Variants in LDLRAD4 observed in about 807,000 individuals in gnomAD.
LDLRAD4 encodes low density lipoprotein receptor class A domain containing 4, also known as low-density lipoprotein receptor class A domain-containing protein 4.
A neutral mutation model predicts 17.0 loss-of-function variants in LDLRAD4; 5 were observed. The observed-to-expected ratio is 0.29, with a 90% CI of 0.15 to 0.62. LDLRAD4 has a LOEUF of 0.62. Among genes scored for constraint, LDLRAD4 ranks in the 20% least tolerant of loss-of-function variants. The probability of loss-of-function intolerance (pLI) is 0.84; values close to 1 mark genes in which losing one functional copy is unlikely to be tolerated. For missense variants in LDLRAD4, 340 were observed against 424.7 expected (o/e 0.80, Z 1.75); for synonymous variants, 168 against 171.8 (o/e 0.98, Z 0.17).
At chr18:13,492,133 G>T (rs555983264) in intron 3 of LDLRAD4, among the ~76,000 whole-genome samples, 2 of 152,208 alleles carry the variant, frequency 1.3e-5, no homozygotes, top group South Asian at 4.2e-4. Context: ...AGACAAGACC[G>T]ATTCGGGCAA....
chr18:13,554,477 C>G (rs1399448696), intron 3 of LDLRAD4, among the ~76,000 whole-genome samples: 2 of 151,684 alleles, frequency 1.3e-5, no homozygotes, highest in African/African-American at 4.8e-5. Context: ...TTTTTTTCAC[C>G]TTTATGTAGT....
At chr18:13,560,481 G>A (rs1482371946) in intron 3 of LDLRAD4, among the ~76,000 whole-genome samples, 3 of 152,176 alleles carry the variant, frequency 2.0e-5, no homozygotes, top group Admixed American at 6.5e-5. Context: ...TGGGGATGAC[G>A]GGGGCTGATG....
intron 1 of LDLRAD4, among the ~76,000 whole-genome samples, chr18:13,333,395 C>T (rs2143806369): frequency 6.6e-6 from 1 of 152,328 alleles, no homozygotes; most frequent in South Asian, 2.1e-4. Flanking sequence ...TTGTCTTTCA[C>T]ATAGCAGAAG....
At chr18:13,402,271 C>T (rs116836111) in intron 2 of LDLRAD4, among the ~76,000 whole-genome samples, 119 of 152,262 alleles carry the variant, frequency 7.8e-4, no homozygotes, top group African/African-American at 2.7e-3. Context: ...TTCTTCACAA[C>T]CACAGCTGCT....
intron 3 of LDLRAD4, among the ~76,000 whole-genome samples, chr18:13,467,809 C>G (rs546479096): frequency 8.5e-5 from 13 of 152,190 alleles, no homozygotes; most frequent in Non-Finnish European, 1.8e-4. Flanking sequence ...ATGAAGAGAA[C>G]TGAGAGTCCG....
chr18:13,605,117 G>T (rs2095209263), intron 3 of LDLRAD4, among the ~76,000 whole-genome samples: 1 of 152,230 alleles, frequency 6.6e-6, no homozygotes, highest in African/African-American at 2.4e-5. Flanking sequence ...CCAGAGCGCA[G>T]AATTAGAGTG....
At chr18:13,402,482 T>G (rs2087317576) in intron 2 of LDLRAD4, among the ~76,000 whole-genome samples, 1 of 152,234 alleles carries the variant, frequency 6.6e-6, no homozygotes, top group African/African-American at 2.4e-5. Flanking sequence ...GCTCTTCTTT[T>G]AATTAAAAAG....
chr18:13,228,953 G>A (rs1487442929), intron 1 of LDLRAD4, among the ~76,000 whole-genome samples: 1 of 152,230 alleles, frequency 6.6e-6, no homozygotes, highest in Non-Finnish European at 1.5e-5. Flanking sequence ...GTTGTTATCT[G>A]ATGGACTCTT....
At chr18:13,593,578 C>A (rs927943204) in intron 3 of LDLRAD4, among the ~76,000 whole-genome samples, 1 of 152,026 alleles carries the variant, frequency 6.6e-6, no homozygotes, top group Non-Finnish European at 1.5e-5. Flanking sequence ...TCCGTCCGTC[C>A]GTCCGTCCAT....
intron 1 of LDLRAD4, among the ~76,000 whole-genome samples, chr18:13,364,617 C>T (rs759569996): frequency 6.6e-6 from 1 of 152,188 alleles, no homozygotes; most frequent in Non-Finnish European, 1.5e-5. Context: ...GCTGGGATTA[C>T]AGGTGCGAGC....
chr18:13,466,494 A>C (rs2092620752), intron 3 of LDLRAD4, among the ~76,000 whole-genome samples: 1 of 145,878 alleles, frequency 6.9e-6, no homozygotes, highest in Non-Finnish European at 1.5e-5. Context: ...AAAAAGGAAA[A>C]TCAAACAATA....
intron 3 of LDLRAD4, among the ~76,000 whole-genome samples, chr18:13,443,621 G>A (rs1159943671): frequency 4.6e-5 from 7 of 152,068 alleles, no homozygotes; most frequent in Admixed American, 2.6e-4. Context: ...ATCGTAGATC[G>A]CTTTGCTCTT....
At chr18:13,522,051 A>T (rs1415513721) in intron 3 of LDLRAD4, 3 of 151,902 alleles carry the variant, frequency 2.0e-5, no homozygotes, top group African/African-American at 7.3e-5. Flanking sequence ...TACTTGTTGA[A>T]CATGTTTGTT....
intron 2 of LDLRAD4, among the ~76,000 whole-genome samples, chr18:13,430,357 C>T (rs9960108): frequency 2.0e-5 from 3 of 151,954 alleles, no homozygotes; most frequent in East Asian, 3.9e-4. Flanking sequence ...GAAGGTTATG[C>T]GAGGTTAGTC....
In LDLRAD4 at chr18:13,631,852, G is replaced by A. The variant is rs554944824; in HGVS notation, c.336+10581G>A. Among the ~76,000 whole-genome samples, 8 of 152,262 alleles carry A rather than the reference G, an allele frequency of 5.3e-5. No homozygotes were observed. In the South Asian group the frequency reaches 1.0e-3, roughly 20 times the overall value. ...TGAGGCAGGAGAATCACTTGACCCC[G>A]GGAGGCGGAGGTTGCAGTGACCTGA... On this transcript the variant is annotated intron_variant, in intron 4 of 5. Transcript: ENST00000359446.
At chr18:13,517,729 A>G (rs183142510) in intron 3 of LDLRAD4, among the ~76,000 whole-genome samples, 30 of 145,192 alleles carry the variant, frequency 2.1e-4, no homozygotes, top group Admixed American at 2.0e-3. Context: ...ATGTCTGGAC[A>G]TGACTTTCTT....
Position 13,341,351 on chromosome 18 carries a change from A to T in LDLRAD4, c.-382-45990A>T, listed in dbSNP as rs537795320. On this transcript the variant is annotated intron_variant, in intron 1 of 5. Coordinates refer to ENST00000359446, the Ensembl canonical transcript of LDLRAD4. ...TGATATCTTAAAAATATTATTTTCTAATCCATGAACATGGAATGTCTTTTT... is the reference window on the plus strand; with the variant it reads ...TGATATCTTAAAAATATTATTTTCTTATCCATGAACATGGAATGTCTTTTT... 8.5e-5 allele frequency among the ~76,000 whole-genome samples: 13 copies of T among 152,204 alleles called. No individual in the cohort carries two copies. The South Asian group carries it at 2.7e-3, about 32-fold the overall frequency.
rs573698233 is a variant in LDLRAD4 at position 13,347,971 on chromosome 18, G to A, written c.-382-39370G>A. ...CATTGGTTATTCTAGTTAGCCATTC[G>A]TCTAATCTTTTTTCAAGGTTTTTAA... On this transcript the variant is annotated intron_variant, in intron 1 of 5. Transcript: ENST00000359446. Among the ~76,000 whole-genome samples, 373 of 152,202 alleles carry A rather than the reference G, an allele frequency of 2.5e-3. 1 individual carries two copies. Among genetic ancestry groups the A allele is most frequent in the African/African-American group, 8.4e-3 (348 of 41,516 alleles).
intron 1 of LDLRAD4, among the ~76,000 whole-genome samples, chr18:13,235,606 A>G (rs1158301894): frequency 1.3e-5 from 2 of 152,216 alleles, no homozygotes; most frequent in African/African-American, 4.8e-5. Context: ...CCCACATTCT[A>G]AATAGTGGTG....
Sources: gnomAD v4.1 joint callset for allele counts (sites outside exome capture counted in the v4.1 genomes callset) on GRCh38, gnomAD v4.1.1 for gene constraint, MANE v1.5 for transcripts, NCBI Gene and HGNC (gene_info 2026-07-23, HGNC 2026-07-21) for gene names.